Variants in CAMKMT observed in about 807,000 individuals in gnomAD.
CAMKMT encodes calmodulin-lysine N-methyltransferase, also known as CaM KMT.
In CAMKMT, 53 loss-of-function variants were observed where a neutral mutation model predicts 48.0. The observed-to-expected ratio is 1.10, with a 90% CI of 0.89 to 1.39. The LOEUF (loss-of-function observed/expected upper bound fraction) is 1.39, where lower values mean the gene tolerates loss of function less well. Among genes scored for constraint, CAMKMT ranks in the 40% most tolerant of loss-of-function variants. The pLI is 0.00. For missense variants in CAMKMT, 428 were observed against 402.7 expected, an observed-to-expected ratio of 1.06 and a Z score of -0.54; for synonymous variants, 165 against 152.3, an observed-to-expected ratio of 1.08 and a Z score of -0.61.
intron 3 of CAMKMT, among the ~76,000 whole-genome samples, chr2:44,690,725 C>T (rs1164565146): frequency 1.3e-5 from 2 of 152,082 alleles, no homozygotes; most frequent in African/African-American, 2.4e-5. Context: ...CCTGTAATAC[C>T]AGCACTTTGG....
At chr2:44,491,276 G>A (rs1409594374) in intron 3 of CAMKMT, among the ~76,000 whole-genome samples, 2 of 151,918 alleles carry the variant, frequency 1.3e-5, no homozygotes, top group African/African-American at 4.8e-5. Context: ...TAGAAGAGGT[G>A]GTCCATTCTA....
chr2:44,668,186 T>G (rs1013360553), intron 3 of CAMKMT, among the ~76,000 whole-genome samples: 1 of 152,200 alleles, frequency 6.6e-6, no homozygotes, highest in Non-Finnish European at 1.5e-5. Context: ...TGATCTTGCA[T>G]TGAGGAAACA....
At chr2:44,570,999 A>G (rs1257244769) in intron 3 of CAMKMT, among the ~76,000 whole-genome samples, 1 of 152,218 alleles carries the variant, frequency 6.6e-6, no homozygotes, top group African/African-American at 2.4e-5. Context: ...CCAAACCACA[A>G]GAAACATTTT....
chr2:44,560,658 T>A (rs1002419896), intron 3 of CAMKMT, among the ~76,000 whole-genome samples: 6 of 152,178 alleles, frequency 3.9e-5, no homozygotes, highest in Admixed American at 1.3e-4. Context: ...TATTATATAG[T>A]TTGAGGTGGT....
chr2:44,604,412 C>G (rs901648515), intron 3 of CAMKMT, among the ~76,000 whole-genome samples: 1 of 152,080 alleles, frequency 6.6e-6, no homozygotes, highest in African/African-American at 2.4e-5. Context: ...AGAAGGGAAA[C>G]AACCAATTTT....
chr2:44,770,856 C>T (rs758292002), intron 10 of CAMKMT, among the ~76,000 whole-genome samples: 1 of 152,234 alleles, frequency 6.6e-6, no homozygotes, highest in Admixed American at 6.5e-5. Flanking sequence ...ACAGAACAAA[C>T]TCTGTCTAAG....
At chr2:44,513,259 AC>A (rs1670660505) in intron 3 of CAMKMT, among the ~76,000 whole-genome samples, 1 of 131,270 alleles carries the variant, frequency 7.6e-6, no homozygotes, top group African/African-American at 3.0e-5. Flanking sequence ...TATTCTTCAC[AC>A]AGAATGCGAC....
chr2:44,370,348 T>C (rs914030634), intron 1 of CAMKMT, among the ~76,000 whole-genome samples: 3 of 152,260 alleles, frequency 2.0e-5, no homozygotes, highest in East Asian at 1.9e-4. Context: ...AATTCAGTTT[T>C]TGAAATAGTT....
intron 3 of CAMKMT, among the ~76,000 whole-genome samples, chr2:44,521,251 A>C (rs1572704456): frequency 6.6e-6 from 1 of 151,972 alleles, no homozygotes; most frequent in African/African-American, 2.4e-5. Context: ...TTTTATTTTG[A>C]ATGACTTTAT....
intron 3 of CAMKMT, among the ~76,000 whole-genome samples, chr2:44,417,167 G>C (rs1486682752): frequency 6.6e-6 from 1 of 151,920 alleles, no homozygotes; most frequent in Non-Finnish European, 1.5e-5. Context: ...AGGCTGAGGC[G>C]CGGATCACGA....
At chr2:44,678,508 C>T (rs2104165289) in intron 3 of CAMKMT, among the ~76,000 whole-genome samples, 1 of 152,340 alleles carries the variant, frequency 6.6e-6, no homozygotes, top group Non-Finnish European at 1.5e-5. Flanking sequence ...TCTCTCCAAA[C>T]ACTTGGGCTG....
chr2:44,707,586 T>C (rs1677635097), intron 6 of CAMKMT, 124 bp downstream of exon 6: 5 of 658,394 alleles, frequency 7.6e-6, no homozygotes, highest in Non-Finnish European at 7.4e-6. Flanking sequence ...ACATACATGA[T>C]AAGTAATTAA....
At chr2:44,417,964 G>A (rs185982928) in intron 3 of CAMKMT, among the ~76,000 whole-genome samples, 4 of 152,238 alleles carry the variant, frequency 2.6e-5, no homozygotes, top group Admixed American at 1.3e-4. Flanking sequence ...AAGCCGAGGC[G>A]GGTAGATACC....
intron 3 of CAMKMT, among the ~76,000 whole-genome samples, chr2:44,483,894 T>A (rs1189120027): frequency 6.6e-6 from 1 of 152,164 alleles, no homozygotes; most frequent in East Asian, 1.9e-4. Flanking sequence ...TACTGGCAGT[T>A]GTCACAAAAA....
intron 3 of CAMKMT, among the ~76,000 whole-genome samples, chr2:44,626,598 C>T (rs1366239383): frequency 6.6e-6 from 1 of 152,172 alleles, no homozygotes; most frequent in Non-Finnish European, 1.5e-5. Context: ...GGGCCCATTC[C>T]TTCTCGACTG....
intron 6 of CAMKMT, among the ~76,000 whole-genome samples, chr2:44,714,879 C>T (rs897148884): frequency 6.6e-6 from 1 of 152,136 alleles, no homozygotes; most frequent in Non-Finnish European, 1.5e-5. Context: ...CTTCTCCTTT[C>T]GCTGTGCTCA....
chr2:44,564,908 T>C (rs1668529956), intron 3 of CAMKMT, among the ~76,000 whole-genome samples: 1 of 152,238 alleles, frequency 6.6e-6, no homozygotes, highest in Non-Finnish European at 1.5e-5. Context: ...GTATCCACTC[T>C]TGTCTGTAAG....
chr2:44,475,302 T>A (rs1332213471), intron 3 of CAMKMT, among the ~76,000 whole-genome samples: 3 of 145,976 alleles, frequency 2.1e-5, no homozygotes, highest in African/African-American at 7.7e-5. Flanking sequence ...TTTTAAATAG[T>A]AAGAATATAG....
At chr2:44,683,554 C>T (rs1441939486) in intron 3 of CAMKMT, among the ~76,000 whole-genome samples, 3 of 152,174 alleles carry the variant, frequency 2.0e-5, no homozygotes, top group Admixed American at 2.0e-4. Flanking sequence ...GGCGCGGTGG[C>T]TCACGCCTAT....
Sources: allele counts gnomAD v4.1 joint callset (sites outside exome capture counted in the v4.1 genomes callset), GRCh38; gene constraint gnomAD v4.1.1; transcripts MANE v1.5; gene names NCBI Gene and HGNC (gene_info 2026-07-23, HGNC 2026-07-21).